CDK13: variants seen among roughly 807,000 people sequenced by gnomAD.
The protein encoded by CDK13 is cyclin dependent kinase 13, also known as cyclin-dependent kinase 13.
In CDK13, 40 loss-of-function variants were observed where a neutral mutation model predicts 137.6. The observed-to-expected ratio is 0.29, with a 90% CI of 0.23 to 0.38. CDK13 has a LOEUF of 0.38. CDK13 is among the 10% of genes least tolerant of loss of function. CDK13 has a pLI of 1.00. For missense variants in CDK13, 1,704 were observed against 1,951.8 expected (o/e 0.87, Z 2.39); for synonymous variants, 869 against 760.1 (o/e 1.14, Z -2.36).
chr7:40,087,649 T>C (rs17538223), intron 11 of CDK13, among the ~76,000 whole-genome samples: 1,690 of 148,908 alleles, frequency 0.011, 13 homozygotes, highest in Middle Eastern at 0.035. Context: ...CCCGGGTTCA[T>C]GCCATTCTCC....
At chr7:39,957,475 C>T (rs1787451352) in intron 1 of CDK13, among the ~76,000 whole-genome samples, 1 of 152,048 alleles carries the variant, frequency 6.6e-6, no homozygotes, top group African/African-American at 2.4e-5. Flanking sequence ...TACATTTTTT[C>T]TCTACAGATT....
intron 1 of CDK13, chr7:39,952,599 G>GTGGTGTAACC (rs1787266396): frequency 6.6e-6 from 1 of 152,184 alleles, no homozygotes. Context: ...ATAAATCTGG[G>GTGGTGTAACC]TGGTGTAACC....
chr7:40,008,689 C>T (rs1784840565), intron 5 of CDK13, among the ~76,000 whole-genome samples: 1 of 151,936 alleles, frequency 6.6e-6, no homozygotes, highest in South Asian at 2.1e-4. Flanking sequence ...CTTTTTTTCC[C>T]CTCCTAAAAA....
chr7:40,019,618 A>G lies in CDK13; in HGVS notation c.2353+17587A>G, dbSNP rs144407213. Among the ~76,000 whole-genome samples, 845 of 152,274 alleles carry G rather than the reference A, an allele frequency of 5.5e-3. 5 individuals are homozygous for G. The highest frequency in any genetic ancestry group is 0.012 in the African/African-American group (513 of 41,556). The stretch of plus-strand genomic sequence containing the variant: ...TTTCTCCCCAAAGTCTTCTGATTTA[A>G]ACGTTAATCGTATGTAAGAAATACC... On this transcript the variant is annotated intron_variant, in intron 5 of 13. Transcript: ENST00000181839.
chr7:40,009,825 A>G (rs1388676256), intron 5 of CDK13, among the ~76,000 whole-genome samples: 1 of 152,228 alleles, frequency 6.6e-6, no homozygotes, highest in East Asian at 1.9e-4. Context: ...ATCTGCTTCT[A>G]CCACCTGTAT....
intron 1 of CDK13, among the ~76,000 whole-genome samples, chr7:39,980,733 AT>A (rs1784206785): frequency 1.3e-5 from 2 of 152,208 alleles, no homozygotes. Context: ...TATTATCAGT[AT>A]TACAGTAAAA....
chr7:40,069,397 T>C (rs1276739069), intron 9 of CDK13: 1 of 438,044 alleles, frequency 2.3e-6, no homozygotes, highest in Non-Finnish European at 4.6e-6. Context: ...TTTAGAATCT[T>C]ACAGGGTTGG....
intron 1 of CDK13, among the ~76,000 whole-genome samples, chr7:39,961,780 T>C (rs1018545975): frequency 1.3e-5 from 2 of 151,902 alleles, no homozygotes; most frequent in African/African-American, 4.8e-5. Flanking sequence ...ATGCTATCCC[T>C]CCTCCCTCCC....
chr7:40,080,647 T>C (rs1197270277), intron 11 of CDK13, among the ~76,000 whole-genome samples: 1 of 152,180 alleles, frequency 6.6e-6, no homozygotes, highest in East Asian at 1.9e-4. Flanking sequence ...TCTTAAAACT[T>C]GGGCTCAGTA....
chr7:40,022,967 A>C (rs1265495797), intron 5 of CDK13, among the ~76,000 whole-genome samples: 1 of 152,052 alleles, frequency 6.6e-6, no homozygotes, highest in African/African-American at 2.4e-5. Context: ...AGTAAAGATC[A>C]ATGCAATTGT....
At chr7:40,046,074 A>G (rs1584033565) in intron 6 of CDK13, 49 bp downstream of exon 6, 1 of 1,150,818 alleles carries the variant, frequency 8.7e-7, no homozygotes, top group Non-Finnish European at 1.3e-6. Context: ...TACCATGGAC[A>G]TGTACATGGA....
Position 39,970,017 on chromosome 7 carries a change from C to CTT in CDK13, c.1212-17566_1212-17565dup, listed in dbSNP as rs869070174. On this transcript the variant is annotated intron_variant, in intron 1 of 13. Transcript: ENST00000181839. ...CAGTTTAGCATTTGTGTGATTTATGCTTTTTTTTTTTTTTTTTGAGACAGC... is the reference window on the plus strand; with the variant it reads ...CAGTTTAGCATTTGTGTGATTTATGCTTTTTTTTTTTTTTTTTTTGAGACAGC... 6.7e-4 allele frequency among the ~76,000 whole-genome samples: 92 copies of CTT among 136,718 alleles called. 2 individuals carry two copies. The South Asian group carries it at 0.013, about 19-fold the overall frequency. The allele number at this position is 136,718 out of a possible 152,430, so 89.7% of individuals were successfully genotyped here.
At chr7:39,993,265 C>T (rs1341696200) in intron 2 of CDK13, among the ~76,000 whole-genome samples, 1 of 152,090 alleles carries the variant, frequency 6.6e-6, no homozygotes, top group Admixed American at 6.6e-5. Context: ...ACGTGTTTCC[C>T]CATATCCCAT....
chr7:39,955,714 A>G (rs761429899), intron 1 of CDK13, among the ~76,000 whole-genome samples: 1 of 152,106 alleles, frequency 6.6e-6, no homozygotes, highest in Non-Finnish European at 1.5e-5. Flanking sequence ...TTGGGTTTAA[A>G]TCTTGTGGAT....
chr7:39,974,717 C>T (rs187044072), intron 1 of CDK13, among the ~76,000 whole-genome samples: 261 of 152,162 alleles, frequency 1.7e-3, no homozygotes, highest in African/African-American at 5.0e-3. Flanking sequence ...GTGAGTGCCA[C>T]CATGGCTGGC....
intron 2 of CDK13, among the ~76,000 whole-genome samples, chr7:39,994,095 G>A (rs1784514644): frequency 6.6e-6 from 1 of 151,978 alleles, no homozygotes; most frequent in Non-Finnish European, 1.5e-5. Flanking sequence ...TTTTCGAATT[G>A]ATGTTTAGTA....
At chr7:40,076,186 GTTGA>G (rs914725906) in intron 9 of CDK13, among the ~76,000 whole-genome samples, 10 of 152,106 alleles carry the variant, frequency 6.6e-5, no homozygotes, top group Admixed American at 5.9e-4. Context: ...TCTGCCTGGG[GTTGA>G]TTAATTGTGT....
At chr7:40,084,702 A>G (rs1474296158) in intron 11 of CDK13, among the ~76,000 whole-genome samples, 1 of 152,238 alleles carries the variant, frequency 6.6e-6, no homozygotes, top group African/African-American at 2.4e-5. Context: ...TAAACTATGA[A>G]TTAAATGATC....
At chr7:40,090,354 C>A (rs1270204088) in intron 12 of CDK13, among the ~76,000 whole-genome samples, 1 of 151,952 alleles carries the variant, frequency 6.6e-6, no homozygotes, top group Non-Finnish European at 1.5e-5. Flanking sequence ...TTTTATTTTC[C>A]TTTTTTAACT....
Sources: allele counts gnomAD v4.1 joint callset (sites outside exome capture counted in the v4.1 genomes callset), GRCh38; gene constraint gnomAD v4.1.1; transcripts MANE v1.5; gene names NCBI Gene and HGNC (gene_info 2026-07-23, HGNC 2026-07-21).